Variants in RABL3 observed in about 807,000 individuals in gnomAD.
RABL3 encodes rab-like protein 3.
RABL3 carries 31 observed loss-of-function variants against 31.8 expected under a neutral mutation model. The ratio of observed to expected loss-of-function variants is 0.97; its 90% CI spans 0.73 to 1.31. The LOEUF (loss-of-function observed/expected upper bound fraction) is 1.31, where lower values mean the gene tolerates loss of function less well. Among genes scored for constraint, RABL3 ranks in the 40% most tolerant of loss-of-function variants. The pLI is 0.00. For missense variants in RABL3, 263 were observed against 279.6 expected, an observed-to-expected ratio of 0.94 and a Z score of 0.42; for synonymous variants, 97 against 99.9, an observed-to-expected ratio of 0.97 and a Z score of 0.18.
At position 120,689,594 on chromosome 3, in the gene RABL3, T is replaced by C. The variant is rs1708355076; in HGVS notation, c.*229A>G. On this transcript the variant is annotated 3_prime_UTR_variant, in exon 8 of 8. Coordinates refer to ENST00000273375, the MANE Select transcript of RABL3 (RefSeq NM_173825.5). ...ACATCTCATATTTACACAAGGCTTT[T>C]ACATAATCTATACACAGGGACAGAA... is the stretch of plus-strand genomic sequence containing the variant. The C allele has an allele frequency of 2.5e-6, 1 of 403,092 alleles. No individual in the cohort carries two copies. Among genetic ancestry groups the C allele is most frequent in the Non-Finnish European group, 4.5e-6 (1 of 222,934 alleles). 25.0% of individuals were successfully genotyped at this position (403,092 alleles called of 1,614,324 possible).
At chr3:120,700,273 G>T (rs1708479558) in intron 4 of RABL3, among the ~76,000 whole-genome samples, 1 of 151,984 alleles carries the variant, frequency 6.6e-6, no homozygotes, top group East Asian at 1.9e-4. Flanking sequence ...ATACTGGGTG[G>T]AAAAATAAAG....
intron 1 of RABL3, among the ~76,000 whole-genome samples, chr3:120,736,449 G>A: frequency 6.6e-6 from 1 of 152,158 alleles, no homozygotes; most frequent in East Asian, 1.9e-4. Flanking sequence ...CTGTACATGA[G>A]CTGGGTCTCC....
intron 3 of RABL3, among the ~76,000 whole-genome samples, chr3:120,706,751 A>G (rs1054318470): frequency 6.6e-6 from 1 of 152,090 alleles, no homozygotes; most frequent in African/African-American, 2.4e-5. Context: ...TAGTTATTAG[A>G]GCAAAAGAAA....
rs143021012 is a variant in RABL3 at position 120,720,166 on chromosome 3, T to A, written c.139-10257A>T. ...AAACTAACAAACAGAAAGGACATCC[T>A]CACCAAAACCTCATCTGTACATCAC... is the stretch of plus-strand genomic sequence containing the variant. On this transcript the variant is annotated intron_variant, in intron 2 of 7. Transcript: ENST00000273375. Among the ~76,000 whole-genome samples, 8 of 152,214 alleles carry A rather than the reference T, an allele frequency of 5.3e-5. No homozygotes were observed. In the East Asian group the frequency reaches 1.5e-3, roughly 29 times the overall value.
At position 120,742,513 on chromosome 3, in the gene RABL3, C is replaced by T; in HGVS notation, c.-6G>A. The T allele has an allele frequency of 1.2e-6, 2 of 1,614,168 alleles. No individual in the cohort carries two copies. Among genetic ancestry groups the T allele is most frequent in the South Asian group, 2.2e-5 (2 of 91,082 alleles). On this transcript the variant is annotated 5_prime_UTR_variant, in exon 1 of 8. Coordinates refer to ENST00000273375, the MANE Select transcript of RABL3 (RefSeq NM_173825.5). The stretch of plus-strand genomic sequence containing the variant: ...ACCCGATCCAGGGACGCCATCTTGC[C>T]ACTGCCTTCCCTGGGTTAACGCCTG...
At chr3:120,722,046 CCTT>C (rs1469685666) in intron 2 of RABL3, 2 of 152,028 alleles carry the variant, frequency 1.3e-5, no homozygotes, top group African/African-American at 4.8e-5. Flanking sequence ...GTAAATCTAA[CCTT>C]CTTCCCACAG....
At chr3:120,725,947 T>TA (rs931890216) in intron 2 of RABL3, among the ~76,000 whole-genome samples, 3 of 152,142 alleles carry the variant, frequency 2.0e-5, no homozygotes, top group African/African-American at 4.8e-5. Flanking sequence ...TAAAGTATAA[T>TA]AAAAAAATTA....
intron 4 of RABL3, among the ~76,000 whole-genome samples, chr3:120,704,940 T>C (rs914165295): frequency 1.4e-4 from 22 of 152,172 alleles, no homozygotes; most frequent in Non-Finnish European, 2.8e-4. Context: ...GCACAATAAT[T>C]GCTTGAACCT....
At chr3:120,698,148 A>G (rs560872253) in intron 5 of RABL3, among the ~76,000 whole-genome samples, 23 of 152,196 alleles carry the variant, frequency 1.5e-4, no homozygotes, top group Non-Finnish European at 2.8e-4. Flanking sequence ...TGGGCGACAG[A>G]GCGAGACTCT....
intron 6 of RABL3, among the ~76,000 whole-genome samples, chr3:120,692,036 T>C (rs1708385485): frequency 6.6e-6 from 1 of 152,186 alleles, no homozygotes; most frequent in Non-Finnish European, 1.5e-5. Context: ...TGGTTTATCA[T>C]TAGTGTACAT....
chr3:120,725,842 A>G (rs1232703045), intron 2 of RABL3, among the ~76,000 whole-genome samples: 2 of 152,184 alleles, frequency 1.3e-5, no homozygotes, highest in African/African-American at 2.4e-5. Flanking sequence ...GATATACCTA[A>G]TGTTAAATTA....
chr3:120,726,444 G>A lies in RABL3; in HGVS notation c.138+4252C>T, dbSNP rs1173886146. ...GTTGGAGACTAGGCTGGGGCAACAC[G>A]GTGCAACCCCATCTGTATAAAACAA... On this transcript the variant is annotated intron_variant, in intron 2 of 7. Coordinates refer to ENST00000273375, the MANE Select transcript of RABL3 (RefSeq NM_173825.5). 3.9e-5 allele frequency among the ~76,000 whole-genome samples: 6 copies of A among 152,056 alleles called. No homozygotes were observed. The East Asian group carries it at 7.7e-4, about 20-fold the overall frequency.
At chr3:120,717,057 A>G (rs1383578670) in intron 2 of RABL3, among the ~76,000 whole-genome samples, 1 of 152,174 alleles carries the variant, frequency 6.6e-6, no homozygotes, top group Non-Finnish European at 1.5e-5. Context: ...GTTTGAGACC[A>G]GCCTGGCCAA....
intron 4 of RABL3, among the ~76,000 whole-genome samples, chr3:120,699,534 T>G (rs1708473088): frequency 6.6e-6 from 1 of 152,182 alleles, no homozygotes; most frequent in Admixed American, 6.5e-5. Context: ...CTTACAACAG[T>G]CAGCAAAATC....
chr3:120,724,325 C>T (rs781660789), intron 2 of RABL3, among the ~76,000 whole-genome samples: 2 of 152,322 alleles, frequency 1.3e-5, no homozygotes, highest in Admixed American at 6.5e-5. Flanking sequence ...GAAGAACATT[C>T]CATGCTCATG....
chr3:120,702,981 G>A (rs1708511167), intron 4 of RABL3, among the ~76,000 whole-genome samples: 1 of 152,180 alleles, frequency 6.6e-6, no homozygotes, highest in Non-Finnish European at 1.5e-5. Context: ...GCAAGTGCAT[G>A]AGAAAATTTG....
At chr3:120,721,268 C>T (rs1275572852) in intron 2 of RABL3, among the ~76,000 whole-genome samples, 1 of 152,178 alleles carries the variant, frequency 6.6e-6, no homozygotes, top group Non-Finnish European at 1.5e-5. Flanking sequence ...TAGGAAGAAA[C>T]TGCATCAACT....
chr3:120,725,232 C>A (rs1708803171), intron 2 of RABL3, among the ~76,000 whole-genome samples: 2 of 152,160 alleles, frequency 1.3e-5, no homozygotes, highest in Admixed American at 1.3e-4. Context: ...AAATGCAAAT[C>A]AAAACCACAT....
intron 2 of RABL3, among the ~76,000 whole-genome samples, chr3:120,718,706 C>T (rs1005604871): frequency 2.6e-5 from 4 of 152,160 alleles, no homozygotes; most frequent in Non-Finnish European, 5.9e-5. Context: ...TTAGCTATAT[C>T]TTACTTATAA....
Sources: gnomAD v4.1 joint callset for allele counts (sites outside exome capture counted in the v4.1 genomes callset) on GRCh38, gnomAD v4.1.1 for gene constraint, MANE v1.5 for transcripts, NCBI Gene and HGNC (gene_info 2026-07-23, HGNC 2026-07-21) for gene names.